The following MCOLN3 variants were observed in gnomAD, a reference collection of about 807,000 sequenced individuals.
The protein encoded by MCOLN3 is mucolipin-3.
In MCOLN3, 62 loss-of-function variants were observed where a neutral mutation model predicts 69.4. That is an observed-to-expected ratio of 0.89 (90% CI 0.73 to 1.10). The LOEUF is 1.10. MCOLN3 is among the 50% of genes least tolerant of loss of function. The pLI, the probability that MCOLN3 is intolerant of heterozygous loss-of-function variation, is 0.00. For missense variants in MCOLN3, 564 were observed against 656.4 expected (o/e 0.86, Z 1.54); for synonymous variants, 183 against 217.0 (o/e 0.84, Z 1.38).
chr1:85,038,470 G>A (rs1652907478), intron 3 of MCOLN3, among the ~76,000 whole-genome samples: 1 of 152,156 alleles, frequency 6.6e-6, no homozygotes, highest in Admixed American at 6.5e-5. Flanking sequence ...ATAAACAGTA[G>A]TGCTGTTATA....
chr1:85,029,188 C>T lies in MCOLN3; in HGVS notation c.750G>A (p.Lys250=), dbSNP rs1652382006. ...TTATTTTAATTCTTCCACTATGGGC[C>T]TTGTTGTCAAATGTTATCTGTGAAG... The part of the protein sequence containing the change: ...DFTLTITFDN[K]AHSGRIKISL... Residue 250 remains lysine (K), a synonymous_variant, in exon 7 of 13, where the codon AAG becomes AAA. Transcript: ENST00000370589. 2.5e-6 allele frequency: 4 copies of T among 1,600,456 alleles called. No homozygotes were observed. Among genetic ancestry groups the T allele is most frequent in the South Asian group, 1.1e-5 (1 of 90,746 alleles).
At chr1:85,022,606 T>C (rs1260594587) in intron 9 of MCOLN3, 1 of 429,644 alleles carries the variant, frequency 2.3e-6, no homozygotes, top group African/African-American at 2.0e-5. Context: ...TTTGGGACAC[T>C]TGCTGCTGAT....
rs114128869 is a variant in MCOLN3 at position 85,028,933 on chromosome 1, C to T, written c.832+173G>A. 2.5e-3 allele frequency among the ~76,000 whole-genome samples: 384 copies of T among 152,198 alleles called. 4 individuals are homozygous for T. The highest frequency in any genetic ancestry group is 8.8e-3 in the African/African-American group (366 of 41,550). ...GGAGAGGAAGGCCATTTCAGTTATT[C>T]ATGACTCACATATTGCCTGAAACAT... On this transcript the variant is annotated intron_variant, in intron 7 of 12. Transcript: ENST00000370589.
chr1:85,043,529 C>CAA (rs11409671), intron 2 of MCOLN3, among the ~76,000 whole-genome samples: 140 of 141,418 alleles, frequency 9.9e-4, no homozygotes, highest in Middle Eastern at 3.5e-3. Flanking sequence ...GACTCCATCT[C>CAA]AAAAAAAAAA....
intron 9 of MCOLN3, chr1:85,024,746 T>C (rs1268456246): frequency 6.6e-6 from 1 of 152,184 alleles, no homozygotes; most frequent in African/African-American, 2.4e-5. Context: ...TTGGTAAAAA[T>C]AAAGATTTGC....
chr1:85,027,284 A>C (rs750601188), intron 7 of MCOLN3, among the ~76,000 whole-genome samples: 3 of 152,206 alleles, frequency 2.0e-5, no homozygotes, highest in African/African-American at 4.8e-5. Flanking sequence ...ACAATAGCTA[A>C]CATGTATTGA....
intron 1 of MCOLN3, among the ~76,000 whole-genome samples, chr1:85,045,648 A>T (rs551389001): frequency 1.4e-4 from 21 of 152,108 alleles, no homozygotes; most frequent in Non-Finnish European, 2.8e-4. Context: ...TATATATAGG[A>T]TGTATATGTT....
chr1:85,032,250 G>A (rs1335139071), intron 6 of MCOLN3, among the ~76,000 whole-genome samples: 1 of 152,172 alleles, frequency 6.6e-6, no homozygotes, highest in East Asian at 1.9e-4. Flanking sequence ...AAGGTAGACT[G>A]TAATAAGTTA....
At chr1:85,034,479 T>C (rs1302680189) in intron 3 of MCOLN3, among the ~76,000 whole-genome samples, 3 of 152,152 alleles carry the variant, frequency 2.0e-5, no homozygotes, top group African/African-American at 7.2e-5. Context: ...TTTCTGACCT[T>C]CTAGTTCCTG....
At chr1:85,045,878 T>G (rs976380892) in intron 1 of MCOLN3, among the ~76,000 whole-genome samples, 2 of 152,258 alleles carry the variant, frequency 1.3e-5, no homozygotes, top group East Asian at 1.9e-4. Flanking sequence ...AAGATTCAGT[T>G]TGGTTTCTAA....
rs144232966 is a variant in MCOLN3, at chr1:85,035,071, C to T, written c.397-820G>A. On this transcript the variant is annotated intron_variant, in intron 3 of 12. Coordinates refer to ENST00000370589, the MANE Select transcript of MCOLN3 (RefSeq NM_018298.11). ...GGACCTTGTCAAGGTCACTAATGAG[C>T]AGTGTATTACCAAATCTGATGCCTA... Among the ~76,000 whole-genome samples the T allele has an allele frequency of 2.6e-5, 4 of 152,286 alleles. No homozygotes were observed. In the East Asian group the frequency reaches 7.7e-4, roughly 29 times the overall value.
chr1:85,022,518 A>C (rs1300991956), intron 9 of MCOLN3, 118 bp from the exon 10 acceptor site: 1 of 643,282 alleles, frequency 1.6e-6, no homozygotes. Context: ...GCAGTGAACA[A>C]ACAAAAGTCT....
chr1:85,026,280 C>G lies in MCOLN3; in HGVS notation c.837G>C (p.Gln279His). ...CKDWHVSGSI[Q>H]KNTHYMMIFD... Reference sequence around the variant, plus strand: ...AGATCATCATGTAATGAGTGTTCTTCTGAACTGAAAGCAAAGAGGATTACA... The same window carrying G: ...AGATCATCATGTAATGAGTGTTCTTGTGAACTGAAAGCAAAGAGGATTACA... The change falls in exon 8 of 13, where the codon CAG becomes CAC. Residue 279 changes from glutamine (Q) to histidine (H), a missense_variant. Physicochemically the swap from Gln to His is conservative, Grantham distance 24 (BLOSUM62 0). Coordinates refer to ENST00000370589, the MANE Select transcript of MCOLN3 (RefSeq NM_018298.11). 6.2e-7 allele frequency: 1 copy of G among 1,609,670 alleles called. No individual in the cohort carries two copies. Among genetic ancestry groups the G allele is most frequent in the Non-Finnish European group, 8.5e-7 (1 of 1,176,004 alleles).
At chr1:85,030,000 C>G (rs1652423342) in intron 6 of MCOLN3, 1 of 152,148 alleles carries the variant, frequency 6.6e-6, no homozygotes, top group African/African-American at 2.4e-5. Flanking sequence ...TAATCAGAAA[C>G]ACTTCAAATA....
intron 7 of MCOLN3, among the ~76,000 whole-genome samples, chr1:85,028,070 C>T (rs1652310643): frequency 6.6e-6 from 1 of 152,174 alleles, no homozygotes; most frequent in Admixed American, 6.5e-5. Flanking sequence ...AGGTGCCAGA[C>T]ACTTGTGTAT....
At position 85,021,310 on chromosome 1, in the gene MCOLN3, C is replaced by T. The variant is rs141598282; in HGVS notation, c.1321-34G>A. ...AGAAAAGAGAAAAGTTCACTTTATT[C>T]CATGTTCCTTCCCATTGGAGACCTT... is the stretch of plus-strand genomic sequence containing the variant. On this transcript the variant is annotated intron_variant, in intron 11 of 12. Transcript: ENST00000370589. 1,297 of 1,550,424 alleles carry T rather than the reference C, an allele frequency of 8.4e-4. 3 individuals carry two copies. The highest frequency in any genetic ancestry group is 1.1e-3 in the Non-Finnish European group (1,193 of 1,132,074).
In MCOLN3 at chr1:85,022,344, C is replaced by T. The variant is rs1474625055; in HGVS notation, c.1152G>A (p.Val384=). The T allele has an allele frequency of 1.9e-6, 3 of 1,613,766 alleles. No homozygotes were observed. Among genetic ancestry groups the T allele is most frequent in the South Asian group, 1.1e-5 (1 of 91,088 alleles). Residue 384 remains valine (V), a synonymous_variant, in exon 10 of 13, where the codon GTG becomes GTA. Coordinates refer to ENST00000370589, the MANE Select transcript of MCOLN3 (RefSeq NM_018298.11). ...SILLGTSTML[V]WLGVIRYLGF... Reference sequence around the variant, plus strand: ...CGAGGTATCGGATGACTCCAAGCCACACGAGCATGGTAGAAGTCCCAAGAA... The same window carrying T: ...CGAGGTATCGGATGACTCCAAGCCATACGAGCATGGTAGAAGTCCCAAGAA...
At chr1:85,033,926 T>C (rs1443079386) in intron 4 of MCOLN3, among the ~76,000 whole-genome samples, 172 bp downstream of exon 4, 1 of 152,230 alleles carries the variant, frequency 6.6e-6, no homozygotes, top group Non-Finnish European at 1.5e-5. Flanking sequence ...TGAGGATTCT[T>C]GAGTTATAGT....
At chr1:85,032,668 A>G in intron 6 of MCOLN3, 28 bp downstream of exon 6, 1 of 1,556,574 alleles carries the variant, frequency 6.4e-7, no homozygotes. Flanking sequence ...TCCAGACTGG[A>G]ACCAAATTCA....
Sources: gnomAD v4.1 joint callset for allele counts (sites outside exome capture counted in the v4.1 genomes callset) on GRCh38, gnomAD v4.1.1 for gene constraint, MANE v1.5 for transcripts, NCBI Gene and HGNC (gene_info 2026-07-23, HGNC 2026-07-21) for gene names.